ATP11A: variants seen among roughly 807,000 people sequenced by gnomAD.
The protein encoded by ATP11A is phospholipid-transporting ATPase IH.
In ATP11A, 81 loss-of-function variants were observed where a neutral mutation model predicts 154.4. That is an observed-to-expected ratio of 0.52 (90% CI 0.44 to 0.63). The LOEUF is 0.63. Ranked by LOEUF, ATP11A falls within the 30% of genes least tolerant of loss-of-function variation. The probability of loss-of-function intolerance (pLI) is 0.00; values close to 1 mark genes in which losing one functional copy is unlikely to be tolerated. For synonymous variants in ATP11A, 623 were observed against 585.9 expected (o/e 1.06, Z -0.91); for missense variants, 1,316 against 1,474.3 (o/e 0.89, Z 1.76).
In ATP11A at chr13:112,823,315, G is replaced by A. The variant is rs376191916; in HGVS notation, c.726-30G>A. Reference sequence around the variant, plus strand: ...GCCCTGCCCACTTGCCTTCGTGTCCGCATCATTTCTGATCATCGTATCTTT... The same window carrying A: ...GCCCTGCCCACTTGCCTTCGTGTCCACATCATTTCTGATCATCGTATCTTT... On this transcript the variant is annotated intron_variant, in intron 8 of 29. Transcript: ENST00000375645. 278 of 1,597,946 alleles carry A rather than the reference G, an allele frequency of 1.7e-4. 2 individuals carry two copies. In the Middle Eastern group the frequency reaches 2.0e-3, roughly 11 times the overall value.
At chr13:112,846,895 G>T (rs7997897) in intron 17 of ATP11A, among the ~76,000 whole-genome samples, 1 of 151,986 alleles carries the variant, frequency 6.6e-6, no homozygotes, top group Non-Finnish European at 1.5e-5. Context: ...GGCCCTGAGC[G>T]CTGTGCCTGG....
At chr13:112,803,334 G>A (rs1181582381) in intron 2 of ATP11A, among the ~76,000 whole-genome samples, 1 of 152,180 alleles carries the variant, frequency 6.6e-6, no homozygotes, top group Non-Finnish European at 1.5e-5. Flanking sequence ...TTATATTCAT[G>A]AGCCTGGAAT....
intron 24 of ATP11A, among the ~76,000 whole-genome samples, chr13:112,861,801 G>A (rs1287179419): frequency 6.6e-6 from 1 of 152,194 alleles, no homozygotes; most frequent in Admixed American, 6.5e-5. Context: ...GAAAATGGGA[G>A]AAGATATACT....
At chr13:112,839,077 C>T (rs1427488716) in intron 16 of ATP11A, among the ~76,000 whole-genome samples, 1 of 152,132 alleles carries the variant, frequency 6.6e-6, no homozygotes, top group South Asian at 2.1e-4. Context: ...GTACCTCAGT[C>T]ATGTGTGCTT....
rs573984690 is a variant in ATP11A, at chr13:112,882,848, G to A, written c.*982G>A. The A allele has an allele frequency of 7.5e-5, 30 of 399,082 alleles. No individual in the cohort carries two copies. Among genetic ancestry groups the A allele is most frequent in the Non-Finnish European group, 1.2e-4 (28 of 226,470 alleles). The allele number at this position is 399,082 out of a possible 1,614,324, so 24.7% of individuals were successfully genotyped here. A position where few individuals can be genotyped will look rare whatever the true frequency, so the allele number is the denominator to read the frequency against. On this transcript the variant is annotated 3_prime_UTR_variant, in exon 30 of 30. Transcript: ENST00000375645. This position sits in a 1 kb window ranked among gnomAD's most constrained non-coding sequence, Gnocchi z 5.1. The stretch of plus-strand genomic sequence containing the variant: ...ATGAGCAGACATCCTCTGTCCCCGT[G>A]GAGGGGTCAACACCAAGGTGGTGTT...
At chr13:112,716,382 TC>T (rs1888463840) in intron 1 of ATP11A, among the ~76,000 whole-genome samples, 1 of 152,016 alleles carries the variant, frequency 6.6e-6, no homozygotes, top group African/African-American at 2.4e-5. Flanking sequence ...CAGATTCACT[TC>T]CTAGTTTTTC....
At chr13:112,863,105 A>G (rs9549307) in intron 25 of ATP11A, among the ~76,000 whole-genome samples, 8,991 of 47,478 alleles carry the variant, frequency 0.19, 1,892 homozygotes, top group Admixed American at 0.24. Flanking sequence ...AGCGTAGCAC[A>G]TGCAGTTTCC....
intron 2 of ATP11A, among the ~76,000 whole-genome samples, chr13:112,798,052 C>A (rs1352972428): frequency 2.0e-5 from 3 of 152,138 alleles, no homozygotes; most frequent in East Asian, 1.9e-4. Flanking sequence ...AAGGCTGTGT[C>A]CTTATGTGGC....
intron 1 of ATP11A, among the ~76,000 whole-genome samples, chr13:112,695,186 C>T (rs1355848206): frequency 6.6e-6 from 1 of 152,178 alleles, no homozygotes; most frequent in East Asian, 1.9e-4. Flanking sequence ...ACCACAGGAG[C>T]ACTAAGTTAA....
At position 112,836,236 on chromosome 13, in the gene ATP11A, G is replaced by T. The variant is rs2079230699; in HGVS notation, c.1690G>T (p.Val564Leu). Residue 564 changes from valine to leucine, a missense_variant, in exon 16 of 30, where the codon GTA (valine) becomes TTA (leucine). By Grantham distance (32) the Val-to-Leu change is conservative. Coordinates refer to ENST00000375645, the MANE Select transcript of ATP11A (RefSeq NM_015205.3). ...DSVRRRMSVI[V>L]KSATGEIYLF... ...AGTCAGAAGGAGAATGAGTGTAATT[G>T]TAAAATCTGCTACAGGTAAAATTTC... 1 of 1,609,164 alleles carries T rather than the reference G, an allele frequency of 6.2e-7. No individual in the cohort carries two copies. Among genetic ancestry groups the T allele is most frequent in the African/African-American group, 1.3e-5 (1 of 74,982 alleles).
At position 112,706,400 on chromosome 13, in the gene ATP11A, G is replaced by A. The variant is rs74534371; in HGVS notation, c.39+15945G>A. 3.2e-3 allele frequency among the ~76,000 whole-genome samples: 490 copies of A among 152,288 alleles called. 5 individuals are homozygous for A. The highest frequency in any genetic ancestry group is 0.031 in the East Asian group (160 of 5,182). On this transcript the variant is annotated intron_variant, in intron 1 of 29. Coordinates refer to ENST00000375645, the MANE Select transcript of ATP11A (RefSeq NM_015205.3). ...GCAGGCAGGACATTTAAATCATACA[G>A]CTCATAATGATGTTAGTTGATGGTG... is the stretch of plus-strand genomic sequence containing the variant.
At chr13:112,865,540 T>TTTTTTTTG (rs1219051312) in intron 25 of ATP11A, among the ~76,000 whole-genome samples, 2 of 152,168 alleles carry the variant, frequency 1.3e-5, no homozygotes, top group East Asian at 3.9e-4. Flanking sequence ...CTGCTGAAGT[T>TTTTTTTTG]TTTTTTTGTT....
At chr13:112,716,666 G>A (rs1159393093) in intron 1 of ATP11A, among the ~76,000 whole-genome samples, 1 of 152,178 alleles carries the variant, frequency 6.6e-6, no homozygotes, top group Admixed American at 6.5e-5. Flanking sequence ...TCTTGGGCAC[G>A]TCGATGGGGC....
chr13:112,838,342 T>C lies in ATP11A; in HGVS notation c.1705+2091T>C, dbSNP rs188212459. ...GCAGTCGAATCTAGCTGTTGAGCCA[T>C]GGCTGGAACATGCTGCCCGTGACCT... On this transcript the variant is annotated intron_variant, in intron 16 of 29. Coordinates refer to ENST00000375645, the MANE Select transcript of ATP11A (RefSeq NM_015205.3). The surrounding 1 kb of genome is among the most constrained non-coding windows in gnomAD (Gnocchi z 7.3). Among the ~76,000 whole-genome samples, 643 of 152,234 alleles carry C rather than the reference T, an allele frequency of 4.2e-3. 2 individuals are homozygous for C. Among genetic ancestry groups the C allele is most frequent in the African/African-American group, 0.015 (615 of 41,550 alleles).
At chr13:112,871,699 A>G (rs1248109127) in intron 25 of ATP11A, 36 bp from the exon 26 acceptor site, 1 of 1,597,538 alleles carries the variant, frequency 6.3e-7, no homozygotes, top group East Asian at 2.2e-5. Context: ...AAAAATACAT[A>G]AAAACGAGAT....
At chr13:112,704,071 ATGGGATACGC>A (rs1174677779) in intron 1 of ATP11A, among the ~76,000 whole-genome samples, 1 of 152,182 alleles carries the variant, frequency 6.6e-6, no homozygotes, top group Non-Finnish European at 1.5e-5. Context: ...GGTCAGAACA[ATGGGATACGC>A]TGGTCCTGCT....
chr13:112,880,700 G>A lies in ATP11A; in HGVS notation c.*10-1176G>A, dbSNP rs559938385. The A allele has an allele frequency of 2.2e-5, 28 of 1,248,274 alleles. No individual in the cohort carries two copies. In the African/African-American group the frequency reaches 3.2e-4, roughly 14 times the overall value. 77.3% of individuals were successfully genotyped at this position (1,248,274 alleles called of 1,614,324 possible). On this transcript the variant is annotated intron_variant, in intron 29 of 29. Transcript: ENST00000375645. ...CCCGTGTGCTGTGACTGTCAGACCCGTTTTTCCTCCAAAGTTGTGCTGTGC... is the reference window on the plus strand; with the variant it reads ...CCCGTGTGCTGTGACTGTCAGACCCATTTTTCCTCCAAAGTTGTGCTGTGC...
At chr13:112,724,123 T>G (rs552791712) in intron 1 of ATP11A, among the ~76,000 whole-genome samples, 60 of 36,824 alleles carry the variant, frequency 1.6e-3, no homozygotes, top group Admixed American at 0.012. Context: ...CGCCCCCTTC[T>G]CCCCCATCGC....
At chr13:112,789,361 GA>G (rs763159259) in intron 2 of ATP11A, among the ~76,000 whole-genome samples, 5 of 150,932 alleles carry the variant, frequency 3.3e-5, no homozygotes, top group Non-Finnish European at 7.4e-5. Context: ...CTGACGTGTA[GA>G]CCCCTGTGGA....
Sources: allele counts gnomAD v4.1 joint callset (sites outside exome capture counted in the v4.1 genomes callset), GRCh38; gene constraint gnomAD v4.1.1; non-coding constraint Gnocchi (gnomAD v3.1); transcripts MANE v1.5; gene names NCBI Gene and HGNC (gene_info 2026-07-23, HGNC 2026-07-21).